Variants in HSD17B12 observed in about 807,000 individuals in gnomAD.
The protein encoded by HSD17B12 is very-long-chain 3-oxoacyl-CoA reductase.
A neutral mutation model predicts 39.3 loss-of-function variants in HSD17B12; 32 were observed. That is an observed-to-expected ratio of 0.81 (90% CI 0.61 to 1.09). The LOEUF (loss-of-function observed/expected upper bound fraction) is 1.09. Among genes scored for constraint, HSD17B12 ranks in the 50% least tolerant of loss-of-function variants. The pLI is 0.00. For synonymous variants in HSD17B12, 150 were observed against 146.7 expected (o/e 1.02, Z -0.16); for missense variants, 342 against 382.9 (o/e 0.89, Z 0.89).
rs180832402 is a variant in HSD17B12, at chr11:43,754,878, T to G, written c.283+757T>G. The G allele has an allele frequency of 3.0e-5, 23 of 760,276 alleles. No homozygotes were observed. In the East Asian group the frequency reaches 5.1e-4, roughly 17 times the overall value. The allele number at this position is 760,276 out of a possible 1,614,324, so 47.1% of individuals were successfully genotyped here. A position where few individuals can be genotyped will look rare whatever the true frequency, so the allele number is the denominator to read the frequency against. ...CTTTTGAACTTTCTTCTTAGGCAAT[T>G]ATACTTGAGACCTGAATTACAATAT... On this transcript the variant is annotated intron_variant, in intron 3 of 10. Coordinates refer to ENST00000278353, the MANE Select transcript of HSD17B12 (RefSeq NM_016142.3).
intron 9 of HSD17B12, among the ~76,000 whole-genome samples, chr11:43,840,927 T>C (rs1951419543): frequency 6.6e-6 from 1 of 152,204 alleles, no homozygotes; most frequent in African/African-American, 2.4e-5. Context: ...AATTCTGTTT[T>C]AAATTTTTTG....
intron 3 of HSD17B12, among the ~76,000 whole-genome samples, chr11:43,770,634 G>T (rs1190908277): frequency 1.3e-5 from 2 of 152,210 alleles, no homozygotes; most frequent in African/African-American, 4.8e-5. Flanking sequence ...CACTGGGGAG[G>T]CTGAGGTGGA....
At chr11:43,640,341 A>T in the HSD17B12 span, among the ~76,000 whole-genome samples, 2 of 152,266 alleles carry the variant, frequency 1.3e-5, no homozygotes, top group South Asian at 4.1e-4. Flanking sequence ...GAGAGGAGGC[A>T]TGTGAGTTCA....
chr11:43,808,978 T>G (rs1951044330), intron 4 of HSD17B12, among the ~76,000 whole-genome samples: 1 of 152,162 alleles, frequency 6.6e-6, no homozygotes, highest in Non-Finnish European at 1.5e-5. Flanking sequence ...TGGATCTAAT[T>G]GAATGAAATA....
At chr11:43,677,177 G>A (rs368891794), upstream of HSD17B12, among the ~76,000 whole-genome samples, 1 of 152,156 alleles carries the variant, frequency 6.6e-6, no homozygotes, top group Admixed American at 6.5e-5. Context: ...AATGGAGAAG[G>A]GGGGGTTTGG....
the HSD17B12 span, among the ~76,000 whole-genome samples, chr11:43,558,429 T>G: frequency 1.3e-5 from 2 of 152,166 alleles, no homozygotes; most frequent in Admixed American, 1.3e-4. Flanking sequence ...GCAGGATTTT[T>G]TTTTTCATCG....
At chr11:43,678,371 C>G (rs1949709692), upstream of HSD17B12, among the ~76,000 whole-genome samples, 1 of 152,132 alleles carries the variant, frequency 6.6e-6, no homozygotes, top group Non-Finnish European at 1.5e-5. Flanking sequence ...AATTTTCTCC[C>G]ATTCTGTAGG....
intron 9 of HSD17B12, among the ~76,000 whole-genome samples, chr11:43,849,684 A>AT (rs1286722883): frequency 2.6e-5 from 4 of 152,028 alleles, no homozygotes; most frequent in African/African-American, 9.7e-5. Flanking sequence ...TTACCCAGGT[A>AT]TTTTTTTCAT....
the HSD17B12 span, among the ~76,000 whole-genome samples, chr11:43,563,506 A>C: frequency 6.6e-6 from 1 of 152,188 alleles, no homozygotes; most frequent in African/African-American, 2.4e-5. Context: ...TGAAAGAACA[A>C]GTTCCATCTA....
At chr11:43,599,529 G>T in the HSD17B12 span, among the ~76,000 whole-genome samples, 1 of 152,124 alleles carries the variant, frequency 6.6e-6, no homozygotes, top group African/African-American at 2.4e-5. Flanking sequence ...CAGGAAATAA[G>T]CCTAGTACCC....
intron 9 of HSD17B12, among the ~76,000 whole-genome samples, chr11:43,843,876 G>C (rs1482959410): frequency 6.6e-6 from 1 of 152,146 alleles, no homozygotes; most frequent in African/African-American, 2.4e-5. Context: ...TCGAGAACAG[G>C]GCTTTTTATC....
At chr11:43,693,323 T>C (rs1020656792) in intron 1 of HSD17B12, among the ~76,000 whole-genome samples, 9 of 152,152 alleles carry the variant, frequency 5.9e-5, no homozygotes, top group African/African-American at 1.7e-4. Context: ...TTAGTGATAG[T>C]GATGAGGATG....
chr11:43,632,372 C>G, the HSD17B12 span, among the ~76,000 whole-genome samples: 2 of 152,180 alleles, frequency 1.3e-5, no homozygotes, highest in Admixed American at 1.3e-4. Flanking sequence ...CATCCTGTTT[C>G]CTGAACAGTG....
At chr11:43,589,944 G>A in the HSD17B12 span, among the ~76,000 whole-genome samples, 2 of 152,162 alleles carry the variant, frequency 1.3e-5, no homozygotes, top group East Asian at 1.9e-4. Context: ...TCATAAGATC[G>A]TTAGGAAGAT....
chr11:43,571,295 C>G, the HSD17B12 span, among the ~76,000 whole-genome samples: 1 of 152,180 alleles, frequency 6.6e-6, no homozygotes, highest in Non-Finnish European at 1.5e-5. Flanking sequence ...GTTCTTTTCT[C>G]TCTGTGGCCA....
chr11:43,592,077 A>G, the HSD17B12 span, among the ~76,000 whole-genome samples: 7 of 152,058 alleles, frequency 4.6e-5, no homozygotes. Flanking sequence ...TTTTTAAACT[A>G]ATTTTATTTT....
chr11:43,615,553 C>T, the HSD17B12 span, among the ~76,000 whole-genome samples: 5 of 152,188 alleles, frequency 3.3e-5, no homozygotes, highest in African/African-American at 9.7e-5. Flanking sequence ...GATCATTGTC[C>T]TCTGCTTAAG....
chr11:43,795,009 G>A (rs1157811778), intron 3 of HSD17B12, among the ~76,000 whole-genome samples: 2 of 148,730 alleles, frequency 1.3e-5, no homozygotes, highest in East Asian at 1.9e-4. Context: ...CTGAGTTGTA[G>A]ACTGGTGGTT....
intron 3 of HSD17B12, among the ~76,000 whole-genome samples, chr11:43,769,558 G>C (rs1950630154): frequency 3.3e-5 from 5 of 152,108 alleles, no homozygotes; most frequent in Admixed American, 2.6e-4. Context: ...ATTTCTAACT[G>C]TTCACCCCCT....
Sources: allele counts gnomAD v4.1 joint callset (sites outside exome capture counted in the v4.1 genomes callset), GRCh38; gene constraint gnomAD v4.1.1; transcripts MANE v1.5; gene names NCBI Gene and HGNC (gene_info 2026-07-23, HGNC 2026-07-21).